CDH18: variants seen among roughly 807,000 people sequenced by gnomAD.
CDH18 encodes the protein cadherin-18.
Under a neutral mutation model 67.9 loss-of-function variants are expected in CDH18, and 31 were observed. The ratio of observed to expected loss-of-function variants is 0.46; its 90% CI spans 0.34 to 0.62. CDH18 has a LOEUF of 0.62. Ranked by LOEUF, CDH18 falls within the 20% of genes least tolerant of loss-of-function variation. The probability of loss-of-function intolerance (pLI) is 0.01; values close to 1 mark genes in which losing one functional copy is unlikely to be tolerated. For synonymous variants in CDH18, 362 were observed against 347.2 expected (o/e 1.04, Z -0.48); for missense variants, 890 against 975.5 (o/e 0.91, Z 1.17).
At chr5:20,084,320 G>A (rs1340122600) in intron 2 of CDH18, among the ~76,000 whole-genome samples, 1 of 152,182 alleles carries the variant, frequency 6.6e-6, no homozygotes, top group Non-Finnish European at 1.5e-5. Context: ...TCACATCCAG[G>A]TCATGCTGAT....
chr5:20,518,431 T>C (rs932779309), intron 1 of CDH18, among the ~76,000 whole-genome samples: 25 of 152,114 alleles, frequency 1.6e-4, no homozygotes, highest in Non-Finnish European at 4.4e-5. Context: ...CCAAGTATGA[T>C]TATGTGGGCT....
chr5:20,219,226 T>G (rs548074671), intron 2 of CDH18, among the ~76,000 whole-genome samples: 1 of 151,806 alleles, frequency 6.6e-6, no homozygotes, highest in South Asian at 2.1e-4. Flanking sequence ...ATTGGAAAAC[T>G]TAGAAGAAAT....
At chr5:19,899,062 A>C (rs1307844544) in intron 2 of CDH18, among the ~76,000 whole-genome samples, 2 of 152,360 alleles carry the variant, frequency 1.3e-5, no homozygotes, top group East Asian at 3.9e-4. Flanking sequence ...AAATTTGCTC[A>C]GCATTGCTAA....
chr5:20,108,762 T>A (rs1194343865), intron 2 of CDH18, among the ~76,000 whole-genome samples: 1 of 152,146 alleles, frequency 6.6e-6, no homozygotes, highest in Non-Finnish European at 1.5e-5. Context: ...ATCATCCTTA[T>A]CATATGTCAC....
intron 2 of CDH18, chr5:19,848,051 T>C (rs960590926): frequency 6.6e-6 from 1 of 152,158 alleles, no homozygotes; most frequent in Non-Finnish European, 1.5e-5. Flanking sequence ...TTTGACATAC[T>C]CTTTACTCTT....
At chr5:19,797,612 T>C (rs1251792843) in intron 3 of CDH18, among the ~76,000 whole-genome samples, 2 of 152,130 alleles carry the variant, frequency 1.3e-5, no homozygotes, top group East Asian at 3.9e-4. Flanking sequence ...CTGCCACATG[T>C]AATAAAACAT....
At chr5:20,520,643 C>A (rs1056293726) in intron 1 of CDH18, among the ~76,000 whole-genome samples, 2 of 152,076 alleles carry the variant, frequency 1.3e-5, no homozygotes, top group Admixed American at 1.3e-4. Flanking sequence ...GAATTATTCC[C>A]AGATTTTGTA....
intron 1 of CDH18, among the ~76,000 whole-genome samples, chr5:20,435,032 G>C (rs751936930): frequency 3.3e-5 from 5 of 151,906 alleles, no homozygotes; most frequent in Non-Finnish European, 5.9e-5. Context: ...GTAATTTTTG[G>C]CTTAAACCAG....
At chr5:19,758,616 G>T (rs922936249) in intron 3 of CDH18, among the ~76,000 whole-genome samples, 4 of 152,282 alleles carry the variant, frequency 2.6e-5, no homozygotes, top group Admixed American at 2.6e-4. Flanking sequence ...CACACTAAAC[G>T]AGGAATGTGT....
intron 1 of CDH18, among the ~76,000 whole-genome samples, chr5:20,344,817 AT>A (rs1283822942): frequency 6.6e-6 from 1 of 152,146 alleles, no homozygotes; most frequent in East Asian, 1.9e-4. Flanking sequence ...ATGTGAAGAA[AT>A]TAGAGATCTC....
intron 2 of CDH18, among the ~76,000 whole-genome samples, chr5:20,003,761 G>T (rs1242993384): frequency 1.3e-5 from 2 of 152,086 alleles, no homozygotes; most frequent in Admixed American, 1.3e-4. Flanking sequence ...AGCCGGGCGT[G>T]GTGGCGGGCG....
At chr5:20,517,257 G>T (rs1463130550) in intron 1 of CDH18, among the ~76,000 whole-genome samples, 1 of 151,362 alleles carries the variant, frequency 6.6e-6, no homozygotes, top group Non-Finnish European at 1.5e-5. Context: ...TATAATACTT[G>T]AAAAATTATT....
At chr5:19,726,363 C>A (rs1039739368) in intron 4 of CDH18, among the ~76,000 whole-genome samples, 3 of 152,178 alleles carry the variant, frequency 2.0e-5, no homozygotes, top group Non-Finnish European at 2.9e-5. Flanking sequence ...GGAAGTCTCA[C>A]ACAATTGTCT....
At chr5:20,283,477 T>G (rs190875995) in intron 1 of CDH18, among the ~76,000 whole-genome samples, 56 of 151,506 alleles carry the variant, frequency 3.7e-4, no homozygotes, top group African/African-American at 1.2e-3. Flanking sequence ...GACACACAAA[T>G]GGAAAACGGG....
At chr5:19,759,018 GGCCT>G (rs1161735340) in intron 3 of CDH18, among the ~76,000 whole-genome samples, 2 of 152,218 alleles carry the variant, frequency 1.3e-5, no homozygotes, top group Non-Finnish European at 2.9e-5. Context: ...GTATATTGCT[GGCCT>G]TGCCAGCTGA....
chr5:19,797,801 ATT>A (rs1282267202), intron 3 of CDH18, among the ~76,000 whole-genome samples: 1 of 151,946 alleles, frequency 6.6e-6, no homozygotes, highest in Non-Finnish European at 1.5e-5. Context: ...CCCAGCTTGA[ATT>A]TTTTTTATAA....
intron 2 of CDH18, among the ~76,000 whole-genome samples, chr5:20,017,465 A>G (rs1378297352): frequency 1.3e-5 from 2 of 152,202 alleles, no homozygotes; most frequent in Non-Finnish European, 2.9e-5. Flanking sequence ...AAATAATTGA[A>G]ATGCGACATT....
At chr5:20,560,233 T>A (rs1420425468) in intron 1 of CDH18, among the ~76,000 whole-genome samples, 1 of 152,118 alleles carries the variant, frequency 6.6e-6, no homozygotes, top group Non-Finnish European at 1.5e-5. Context: ...TATCTTCTTA[T>A]GGACTTTCAT....
intron 1 of CDH18, among the ~76,000 whole-genome samples, chr5:20,488,055 T>C (rs529153393): frequency 6.6e-6 from 1 of 152,284 alleles, no homozygotes; most frequent in African/African-American, 2.4e-5. Flanking sequence ...ATGCCATTTC[T>C]TTCTTGCAGT....
Sources: allele counts gnomAD v4.1 joint callset (sites outside exome capture counted in the v4.1 genomes callset), GRCh38; gene constraint gnomAD v4.1.1; transcripts MANE v1.5; gene names NCBI Gene and HGNC (gene_info 2026-07-23, HGNC 2026-07-21).